MAGI1: variants seen among roughly 807,000 people sequenced by gnomAD.
The protein encoded by MAGI1 is membrane-associated guanylate kinase, WW and PDZ domain-containing protein 1.
MAGI1 carries 58 observed loss-of-function variants against 139.9 expected under a neutral mutation model. The ratio of observed to expected loss-of-function variants is 0.41; its 90% CI spans 0.34 to 0.52. MAGI1 has a LOEUF of 0.52. Among genes scored for constraint, MAGI1 ranks in the 20% least tolerant of loss-of-function variants. The probability of loss-of-function intolerance (pLI) is 0.12; values close to 1 mark genes in which losing one functional copy is unlikely to be tolerated. For missense variants in MAGI1, 1,874 were observed against 1,901.6 expected (o/e 0.99, Z 0.27); for synonymous variants, 812 against 737.9 (o/e 1.10, Z -1.63).
intron 18 of MAGI1, among the ~76,000 whole-genome samples, chr3:65,374,705 T>C (rs1942331930): frequency 6.6e-6 from 1 of 152,180 alleles, no homozygotes; most frequent in Admixed American, 6.5e-5. Flanking sequence ...CTGTTCTGTG[T>C]TCTGTAGGAT....
At chr3:66,036,610 G>A (rs935313988) in intron 1 of MAGI1, among the ~76,000 whole-genome samples, 4 of 152,170 alleles carry the variant, frequency 2.6e-5, no homozygotes, top group Admixed American at 2.6e-4. Flanking sequence ...CAGCTCCTCA[G>A]CTCCCAAAGC....
chr3:65,643,680 C>CAAA (rs200805806), intron 1 of MAGI1, among the ~76,000 whole-genome samples: 20,677 of 149,310 alleles, frequency 0.14, 3,647 homozygotes, highest in Middle Eastern at 0.21. Flanking sequence ...ACAACAACAA[C>CAAA]AAAGCCTGTT....
At chr3:65,535,029 C>A (rs2078898493) in intron 2 of MAGI1, among the ~76,000 whole-genome samples, 4 of 151,966 alleles carry the variant, frequency 2.6e-5, no homozygotes, top group Middle Eastern at 3.4e-3. Context: ...AAGAAGACTG[C>A]CAAGGACAAA....
At chr3:65,752,736 G>A (rs1412474266) in intron 1 of MAGI1, among the ~76,000 whole-genome samples, 1 of 152,100 alleles carries the variant, frequency 6.6e-6, no homozygotes, top group Admixed American at 6.6e-5. Context: ...GTCTTTGGCT[G>A]GCCAGCCCAG....
intron 1 of MAGI1, among the ~76,000 whole-genome samples, chr3:65,974,804 G>C (rs138141808): frequency 2.0e-5 from 3 of 152,116 alleles, no homozygotes; most frequent in Non-Finnish European, 4.4e-5. Context: ...AGGATGACTA[G>C]GACAGAAGGC....
chr3:65,850,031 A>G (rs910638973), intron 1 of MAGI1, among the ~76,000 whole-genome samples: 3 of 152,200 alleles, frequency 2.0e-5, no homozygotes, highest in African/African-American at 7.2e-5. Flanking sequence ...TATCATTTAT[A>G]TACTATTATG....
At chr3:65,409,120 A>G (rs573782307) in intron 12 of MAGI1, among the ~76,000 whole-genome samples, 2 of 152,378 alleles carry the variant, frequency 1.3e-5, no homozygotes, top group African/African-American at 4.8e-5. Flanking sequence ...TCATGAGACC[A>G]TTCATTCATA....
At chr3:65,672,418 T>C (rs2086917957) in intron 1 of MAGI1, among the ~76,000 whole-genome samples, 1 of 152,200 alleles carries the variant, frequency 6.6e-6, no homozygotes, top group Non-Finnish European at 1.5e-5. Flanking sequence ...AAAGAAGCCA[T>C]TTTTAAAAAA....
intron 3 of MAGI1, among the ~76,000 whole-genome samples, chr3:65,491,793 G>A (rs944617918): frequency 6.6e-6 from 1 of 151,190 alleles, no homozygotes; most frequent in African/African-American, 2.4e-5. Flanking sequence ...GTAGTTTCAG[G>A]AAACTAAGCC....
In MAGI1 at chr3:65,704,139, G is replaced by C. The variant is rs564174199; in HGVS notation, c.314-82051C>G. 2.6e-5 allele frequency among the ~76,000 whole-genome samples: 4 copies of C among 152,274 alleles called. No individual in the cohort carries two copies. The South Asian group carries it at 8.3e-4, about 32-fold the overall frequency. Reference sequence around the variant, plus strand: ...CCTTTTACTAATCCTCACAGGAAAAGACCATCCTACAACATCCTCCAAGTC... The same window carrying C: ...CCTTTTACTAATCCTCACAGGAAAACACCATCCTACAACATCCTCCAAGTC... On this transcript the variant is annotated intron_variant, in intron 1 of 22. Coordinates refer to ENST00000402939, the MANE Select transcript of MAGI1 (RefSeq NM_001033057.2).
intron 1 of MAGI1, among the ~76,000 whole-genome samples, chr3:65,826,366 A>G (rs1247276629): frequency 6.6e-6 from 1 of 152,232 alleles, no homozygotes; most frequent in Non-Finnish European, 1.5e-5. Flanking sequence ...TATATTTGGG[A>G]TAAGAAGTAG....
chr3:65,488,614 T>C (rs1383588542), intron 3 of MAGI1, among the ~76,000 whole-genome samples: 1 of 152,170 alleles, frequency 6.6e-6, no homozygotes, highest in Non-Finnish European at 1.5e-5. Flanking sequence ...GTGCTGGGAT[T>C]ATAGGCATGA....
intron 1 of MAGI1, among the ~76,000 whole-genome samples, chr3:65,771,930 C>T (rs1349579594): frequency 1.3e-5 from 2 of 152,090 alleles, no homozygotes; most frequent in Non-Finnish European, 2.9e-5. Context: ...TGGCCAGGCG[C>T]GGTGGCTCAC....
chr3:65,551,802 A>C (rs923185927), intron 2 of MAGI1, among the ~76,000 whole-genome samples: 58 of 152,362 alleles, frequency 3.8e-4, no homozygotes, highest in African/African-American at 1.4e-3. Flanking sequence ...ACAAGTGTGG[A>C]AATGCATAAA....
chr3:65,801,574 G>T (rs76108874), intron 1 of MAGI1, among the ~76,000 whole-genome samples: 4,242 of 152,170 alleles, frequency 0.028, 83 homozygotes, highest in Middle Eastern at 0.041. Flanking sequence ...GCAAATCCAG[G>T]TCTCCATCTC....
intron 1 of MAGI1, among the ~76,000 whole-genome samples, chr3:65,638,357 G>C (rs2084767826): frequency 6.6e-6 from 1 of 151,948 alleles, no homozygotes; most frequent in Non-Finnish European, 1.5e-5. Flanking sequence ...TTTTTTTTAA[G>C]ATTCATGATT....
intron 1 of MAGI1, among the ~76,000 whole-genome samples, chr3:65,853,180 A>T (rs182304428): frequency 6.6e-6 from 1 of 152,204 alleles, no homozygotes; most frequent in East Asian, 1.9e-4. Flanking sequence ...AAAAAAAAAA[A>T]AATTAATTGT....
chr3:65,481,218 G>A (rs993190238), intron 3 of MAGI1, among the ~76,000 whole-genome samples: 3 of 152,080 alleles, frequency 2.0e-5, no homozygotes, highest in East Asian at 1.9e-4. Flanking sequence ...GAATTGAGTC[G>A]AATCAGCTTG....
chr3:65,842,429 C>T (rs868163858), intron 1 of MAGI1, among the ~76,000 whole-genome samples: 3 of 151,006 alleles, frequency 2.0e-5, no homozygotes, highest in Non-Finnish European at 2.9e-5. Context: ...GGCGCAATCT[C>T]GACTCACCAC....
Sources: allele counts gnomAD v4.1 joint callset (sites outside exome capture counted in the v4.1 genomes callset), GRCh38; gene constraint gnomAD v4.1.1; transcripts MANE v1.5; gene names NCBI Gene and HGNC (gene_info 2026-07-23, HGNC 2026-07-21).